Variants in PLCG2 observed in about 807,000 individuals in gnomAD.
The protein encoded by PLCG2 is phospholipase C gamma 2.
In PLCG2, 69 loss-of-function variants were observed where a neutral mutation model predicts 175.6. The observed-to-expected ratio is 0.39, with a 90% confidence interval of 0.32 to 0.48. PLCG2 has a LOEUF of 0.48. Ranked by LOEUF, PLCG2 falls within the 20% of genes least tolerant of loss-of-function variation. The pLI, the probability that PLCG2 is intolerant of heterozygous loss-of-function variation, is 0.91. For synonymous variants in PLCG2, 827 were observed against 624.0 expected, an observed-to-expected ratio of 1.33 and a Z score of -4.85; for missense variants, 1,798 against 1,650.9, an observed-to-expected ratio of 1.09 and a Z score of -1.54.
At chr16:81,863,458 C>T (rs934344492) in intron 5 of PLCG2, among the ~76,000 whole-genome samples, 15 of 152,208 alleles carry the variant, frequency 9.9e-5, no homozygotes, top group Admixed American at 8.5e-4. Flanking sequence ...CATCGATGGA[C>T]ACTTGAGTTG....
At chr16:81,865,224 C>A (rs572280292) in intron 5 of PLCG2, among the ~76,000 whole-genome samples, 1 of 152,200 alleles carries the variant, frequency 6.6e-6, no homozygotes, top group South Asian at 2.1e-4. Context: ...GGGCTTTGAC[C>A]TGGGCGAGGC....
intron 27 of PLCG2, 183 bp from the exon 28 acceptor site, chr16:81,937,575 C>G (rs1910766225): frequency 2.3e-6 from 1 of 441,546 alleles, no homozygotes; most frequent in Non-Finnish European, 4.0e-6. Flanking sequence ...GAAAGGTGTT[C>G]CCCAGTCTGG....
At chr16:81,816,995 G>T (rs943642441) in intron 2 of PLCG2, among the ~76,000 whole-genome samples, 1 of 152,094 alleles carries the variant, frequency 6.6e-6, no homozygotes, top group Non-Finnish European at 1.5e-5. Context: ...CCCATTTATT[G>T]CCCAGAAGGT....
chr16:81,739,230 C>A (rs897159897), exon 1 of PLCG2: 2 of 152,022 alleles, frequency 1.3e-5, no homozygotes, highest in African/African-American at 4.8e-5. Flanking sequence ...TATTAGTTCA[C>A]CCCTAGCTTC....
intron 12 of PLCG2, 89 bp from the exon 13 acceptor site, chr16:81,895,718 G>A: frequency 6.9e-7 from 1 of 1,454,162 alleles, no homozygotes. Context: ...TCCTTGTCTA[G>A]TAACTGAACT....
chr16:81,859,833 G>A (rs1906879507), intron 5 of PLCG2, among the ~76,000 whole-genome samples: 1 of 152,132 alleles, frequency 6.6e-6, no homozygotes, highest in African/African-American at 2.4e-5. Flanking sequence ...ACCGCGCCCG[G>A]CCACCAGGTG....
chr16:81,744,337 G>A (rs1175762180), intron 1 of PLCG2, among the ~76,000 whole-genome samples: 1 of 151,578 alleles, frequency 6.6e-6, no homozygotes, highest in Non-Finnish European at 1.5e-5. Flanking sequence ...GCTAATTTTT[G>A]TATTTTTAGT....
At chr16:81,882,672 T>C (rs1279974317) in intron 8 of PLCG2, among the ~76,000 whole-genome samples, 1 of 151,834 alleles carries the variant, frequency 6.6e-6, no homozygotes. Context: ...TTCTCTTTTT[T>C]CCTCGAGGCC....
upstream of PLCG2, among the ~76,000 whole-genome samples, chr16:81,775,454 T>G (rs1239926443): frequency 1.3e-5 from 2 of 152,330 alleles, no homozygotes; most frequent in South Asian, 4.1e-4. Context: ...ACAGGAGGTC[T>G]TCTTCTTCCC....
intron 2 of PLCG2, among the ~76,000 whole-genome samples, chr16:81,804,150 C>G (rs1010908515): frequency 6.6e-6 from 1 of 152,188 alleles, no homozygotes; most frequent in Non-Finnish European, 1.5e-5. Context: ...AGCAGTTGCA[C>G]CATTTACTTT....
intron 17 of PLCG2, 40 bp from the exon 18 acceptor site, chr16:81,910,480 C>G (rs768184408): frequency 1.1e-5 from 17 of 1,590,572 alleles, no homozygotes; most frequent in African/African-American, 4.0e-5. Context: ...AATGGCCTGG[C>G]CTGCGTTCTC....
intron 1 of PLCG2, among the ~76,000 whole-genome samples, chr16:81,781,684 C>T (rs1910738508): frequency 6.6e-6 from 1 of 152,140 alleles, no homozygotes; most frequent in Non-Finnish European, 1.5e-5. Context: ...GCAGTAATGT[C>T]CCTTGAACTG....
At chr16:81,824,267 A>C (rs992757822) in intron 2 of PLCG2, among the ~76,000 whole-genome samples, 1 of 151,780 alleles carries the variant, frequency 6.6e-6, no homozygotes, top group African/African-American at 2.4e-5. Context: ...CCAAGTAACT[A>C]GGATTATAGG....
intron 5 of PLCG2, among the ~76,000 whole-genome samples, chr16:81,868,485 G>A (rs988341749): frequency 1.3e-5 from 2 of 152,176 alleles, no homozygotes; most frequent in African/African-American, 4.8e-5. Flanking sequence ...GGCTGATTCT[G>A]CCAAGCCCGT....
At chr16:81,870,773 A>G in intron 6 of PLCG2, 79 bp from the exon 7 acceptor site, 1 of 735,524 alleles carries the variant, frequency 1.4e-6, no homozygotes, top group Non-Finnish European at 2.2e-6. Context: ...TCTGAAACAA[A>G]AATTATTCTA....
At chr16:81,907,803 G>A (rs765313026) in intron 16 of PLCG2, 29 bp downstream of exon 16, 10 of 1,561,640 alleles carry the variant, frequency 6.4e-6, no homozygotes, top group Non-Finnish European at 7.9e-6. Context: ...CACATAGGGA[G>A]GAGGTCCCCA....
intron 2 of PLCG2, among the ~76,000 whole-genome samples, chr16:81,769,259 C>T (rs967304729): frequency 6.6e-6 from 1 of 152,208 alleles, no homozygotes; most frequent in Non-Finnish European, 1.5e-5. Context: ...CCTGTATCTG[C>T]CCAAAGTGCC....
chr16:81,893,963 T>TTC (rs1453688425), intron 12 of PLCG2, among the ~76,000 whole-genome samples, 169 bp downstream of exon 12: 29 of 144,554 alleles, frequency 2.0e-4, no homozygotes, highest in African/African-American at 7.3e-4. Context: ...TTTTCTTTCT[T>TTC]TTTTTTTTTT....
At chr16:81,951,774 C>A (rs750911030) in intron 31 of PLCG2, among the ~76,000 whole-genome samples, 1 of 152,100 alleles carries the variant, frequency 6.6e-6, no homozygotes, top group East Asian at 1.9e-4. Context: ...AACACCAGCA[C>A]AGTTAGCAAC....
Sources: gnomAD v4.1 joint callset for allele counts (sites outside exome capture counted in the v4.1 genomes callset) on GRCh38, gnomAD v4.1.1 for gene constraint, MANE v1.5 for transcripts, NCBI Gene and HGNC (gene_info 2026-07-23, HGNC 2026-07-21) for gene names.